ATP11A: variants seen among roughly 807,000 people sequenced by gnomAD.
The protein encoded by ATP11A is phospholipid-transporting ATPase IH.
Under a neutral mutation model 154.4 loss-of-function variants are expected in ATP11A, and 81 were observed. The ratio of observed to expected loss-of-function variants is 0.52; its 90% CI spans 0.44 to 0.63. The LOEUF (loss-of-function observed/expected upper bound fraction) is 0.63, where lower values mean the gene tolerates loss of function less well. ATP11A is among the 30% of genes least tolerant of loss of function. The pLI, the probability that ATP11A is intolerant of heterozygous loss-of-function variation, is 0.00. For synonymous variants in ATP11A, 623 were observed against 585.9 expected (o/e 1.06, Z -0.91); for missense variants, 1,316 against 1,474.3 (o/e 0.89, Z 1.76).
chr13:112,702,423 G>T (rs1037810712), intron 1 of ATP11A, among the ~76,000 whole-genome samples: 1 of 149,450 alleles, frequency 6.7e-6, no homozygotes, highest in Non-Finnish European at 1.5e-5. Flanking sequence ...CCCGCCCCCC[G>T]CGTGTTCCAG....
intron 1 of ATP11A, among the ~76,000 whole-genome samples, chr13:112,766,033 CCT>C (rs1454966098): frequency 2.0e-5 from 3 of 152,190 alleles, no homozygotes; most frequent in African/African-American, 7.2e-5. Context: ...GGCGGATCCC[CCT>C]GTCACGGGTT....
intron 1 of ATP11A, among the ~76,000 whole-genome samples, chr13:112,773,845 T>G (rs2077283076): frequency 6.6e-6 from 1 of 152,302 alleles, no homozygotes; most frequent in Admixed American, 6.5e-5. Context: ...GGTGCACCTG[T>G]GCGGGATTTC....
chr13:112,818,966 C>T (rs920273439), intron 6 of ATP11A, among the ~76,000 whole-genome samples: 3 of 152,218 alleles, frequency 2.0e-5, no homozygotes, highest in Admixed American at 2.0e-4. Flanking sequence ...ACAGGGCGTT[C>T]TGTAAAAGGA....
At chr13:112,779,773 C>T (rs752359119) in intron 1 of ATP11A, among the ~76,000 whole-genome samples, 10 of 152,116 alleles carry the variant, frequency 6.6e-5, no homozygotes, top group Non-Finnish European at 1.2e-4. Context: ...GACGTGGTGG[C>T]GCTTGCCTGT....
rs1884960805 is a variant in ATP11A, at chr13:112,690,096, C to G, written c.-321C>G. Among the ~76,000 whole-genome samples the G allele has an allele frequency of 6.7e-6, 1 of 148,518 alleles. No homozygotes were observed. ...GAGGAGCAGAGCGCAGGCTCCGCCG[C>G]GGCCGGGGTGCTCCAGCCGAGCCCA... On this transcript the variant is annotated 5_prime_UTR_variant, in exon 1 of 30. Coordinates refer to ENST00000375645, the MANE Select transcript of ATP11A (RefSeq NM_015205.3). The surrounding 1 kb of genome is among the most constrained non-coding windows in gnomAD (Gnocchi z 5.6).
Position 112,753,962 on chromosome 13 carries a change from C to G in ATP11A, c.40-31173C>G, listed in dbSNP as rs1395591307. On this transcript the variant is annotated intron_variant, in intron 1 of 29. Transcript: ENST00000375645. The surrounding 1 kb of genome is among the most constrained non-coding windows in gnomAD (Gnocchi z 4.1). ...TCATTTGAGCTCATTACGTGGACAC[C>G]GCTGCCTCTGAAGCTGGTTCTGCCA... Among the ~76,000 whole-genome samples, 2 of 152,200 alleles carry G rather than the reference C, an allele frequency of 1.3e-5. No homozygotes were observed. Among genetic ancestry groups the G allele is most frequent in the African/African-American group, 4.8e-5 (2 of 41,442 alleles).
intron 17 of ATP11A, among the ~76,000 whole-genome samples, chr13:112,846,575 G>A (rs903225245): frequency 7.2e-5 from 11 of 152,164 alleles, no homozygotes; most frequent in African/African-American, 1.9e-4. Context: ...GTGTGATAAC[G>A]GTGGCAGTGA....
chr13:112,699,693 C>A (rs1370639534), intron 1 of ATP11A, among the ~76,000 whole-genome samples: 1 of 152,234 alleles, frequency 6.6e-6, no homozygotes, highest in Non-Finnish European at 1.5e-5. Context: ...TTGGTGGAGG[C>A]CGAGCCTGCC....
At chr13:112,840,778 C>T (rs372228111) in intron 16 of ATP11A, among the ~76,000 whole-genome samples, 8 of 151,972 alleles carry the variant, frequency 5.3e-5, no homozygotes, top group Admixed American at 2.0e-4. Flanking sequence ...GAAGGCAAGG[C>T]GGACCCCTGT....
Position 112,785,697 on chromosome 13 carries a change from A to T in ATP11A, c.162+440A>T, listed in dbSNP as rs1389358648. On this transcript the variant is annotated intron_variant, in intron 2 of 29. Coordinates refer to ENST00000375645, the MANE Select transcript of ATP11A (RefSeq NM_015205.3). This position sits in a 1 kb window ranked among gnomAD's most constrained non-coding sequence, Gnocchi z 4.8. ...AGGCTGGACAGCAAAACCTGGGGGGAAATCTTTGAGCTTGTTCACGAGGTG... is the reference window on the plus strand; with the variant it reads ...AGGCTGGACAGCAAAACCTGGGGGGTAATCTTTGAGCTTGTTCACGAGGTG... Among the ~76,000 whole-genome samples, 1 of 152,102 alleles carries T rather than the reference A, an allele frequency of 6.6e-6. No individual in the cohort carries two copies. The highest frequency in any genetic ancestry group is 1.5e-5 in the Non-Finnish European group (1 of 68,032).
intron 1 of ATP11A, among the ~76,000 whole-genome samples, chr13:112,729,413 G>A (rs1016793033): frequency 3.3e-5 from 5 of 151,160 alleles, no homozygotes; most frequent in Admixed American, 6.6e-5. Flanking sequence ...GTCCGAGTGC[G>A]AACAGTGTCA....
At chr13:112,707,210 G>A (rs572826648) in intron 1 of ATP11A, among the ~76,000 whole-genome samples, 3 of 152,258 alleles carry the variant, frequency 2.0e-5, no homozygotes, top group South Asian at 4.1e-4. Flanking sequence ...GAGGTCAGGC[G>A]TTTGAGACCA....
At chr13:112,722,603 G>A (rs1889326753) in intron 1 of ATP11A, among the ~76,000 whole-genome samples, 1 of 152,230 alleles carries the variant, frequency 6.6e-6, no homozygotes, top group African/African-American at 2.4e-5. Context: ...CCGGAAGCAG[G>A]TTTTCAGGAT....
Position 112,843,509 on chromosome 13 carries a change from C to T in ATP11A, c.1809+1130C>T, listed in dbSNP as rs185827723. On this transcript the variant is annotated intron_variant, in intron 17 of 29. Transcript: ENST00000375645. Reference sequence around the variant, plus strand: ...AAAGAAACAGTAACTGACAGGCTCTCCTCCCAGAGGTCCAAAATGACGCTG... The same window carrying T: ...AAAGAAACAGTAACTGACAGGCTCTTCTCCCAGAGGTCCAAAATGACGCTG... Among the ~76,000 whole-genome samples, 28 of 152,288 alleles carry T rather than the reference C, an allele frequency of 1.8e-4. No individual in the cohort carries two copies. The East Asian group carries it at 5.4e-3, about 29-fold the overall frequency.
At chr13:112,874,250 G>A (rs776658237) in intron 27 of ATP11A, among the ~76,000 whole-genome samples, 3 of 152,192 alleles carry the variant, frequency 2.0e-5, no homozygotes, top group Admixed American at 6.5e-5. Flanking sequence ...GAGGTCCTCC[G>A]TGAGTGGGAG....
intron 1 of ATP11A, among the ~76,000 whole-genome samples, chr13:112,718,621 A>ATC (rs898240329): frequency 3.3e-5 from 5 of 150,626 alleles, no homozygotes; most frequent in Admixed American, 2.0e-4. Context: ...TGGGTCCTGG[A>ATC]TCCCTGGGTT....
At chr13:112,739,743 A>G (rs2139740738) in intron 1 of ATP11A, among the ~76,000 whole-genome samples, 1 of 152,338 alleles carries the variant, frequency 6.6e-6, no homozygotes, top group South Asian at 2.1e-4. Context: ...CCATCAGTAG[A>G]CGAATGGGTA....
chr13:112,749,455 A>AT (rs35115074), intron 1 of ATP11A, among the ~76,000 whole-genome samples: 1 of 152,378 alleles, frequency 6.6e-6, no homozygotes, highest in East Asian at 1.9e-4. Flanking sequence ...GGCTTAAGGA[A>AT]TTTTTTACTA....
chr13:112,721,658 G>C (rs939545698), intron 1 of ATP11A, among the ~76,000 whole-genome samples: 1 of 152,216 alleles, frequency 6.6e-6, no homozygotes, highest in East Asian at 1.9e-4. Context: ...GGTTAGTCCC[G>C]GGGTCAGTTG....
Sources: allele counts gnomAD v4.1 joint callset (sites outside exome capture counted in the v4.1 genomes callset), GRCh38; gene constraint gnomAD v4.1.1; non-coding constraint Gnocchi (gnomAD v3.1); transcripts MANE v1.5; gene names NCBI Gene and HGNC (gene_info 2026-07-23, HGNC 2026-07-21).